Variants in DPF1 observed in about 807,000 individuals in gnomAD.
The protein encoded by DPF1 is zinc finger protein neuro-d4.
Under a neutral mutation model 58.7 loss-of-function variants are expected in DPF1, and 14 were observed. The observed-to-expected ratio is 0.24, with a 90% CI of 0.16 to 0.37. The LOEUF (loss-of-function observed/expected upper bound fraction) is 0.37, where lower values mean the gene tolerates loss of function less well. Among genes scored for constraint, DPF1 ranks in the 10% least tolerant of loss-of-function variants. The probability of loss-of-function intolerance (pLI) is 1.00; values close to 1 mark genes in which losing one functional copy is unlikely to be tolerated. For missense variants in DPF1, 345 were observed against 529.9 expected, an observed-to-expected ratio of 0.65 and a Z score of 3.43; for synonymous variants, 216 against 216.0, an observed-to-expected ratio of 1.00 and a Z score of 0.00.
At chr19:38,226,502 C>CCACACACA (rs758283337), upstream of DPF1, among the ~76,000 whole-genome samples, 7,331 of 112,250 alleles carry the variant, frequency 0.065, 334 homozygotes, top group African/African-American at 0.12. Context: ...ACGGTCACTT[C>CCACACACA]TACACACACA....
rs1385025958 is a variant in DPF1, at chr19:38,211,232, C to CA, written c.*830dup. ...AAACAACCACGCCCCCTCACTCCCC[C>CA]AAAATGGCCAGCGAGGGGGGCGGGG... On this transcript the variant is annotated 3_prime_UTR_variant, in exon 12 of 12. Coordinates refer to ENST00000355526, the MANE Select transcript of DPF1 (RefSeq NM_001135155.3). The surrounding 1 kb of genome is among the most constrained non-coding windows in gnomAD (Gnocchi z 4.0). 1.3e-5 allele frequency: 2 copies of CA among 152,254 alleles called. No individual in the cohort carries two copies. The highest frequency in any genetic ancestry group is 2.1e-4 in the South Asian group (1 of 4,828). The allele number at this position is 152,254 out of a possible 1,614,324, so 9.4% of individuals were successfully genotyped here. A position where few individuals can be genotyped will look rare whatever the true frequency, so the allele number is the denominator to read the frequency against.
At chr19:38,220,299 A>G (rs1281226812) in intron 3 of DPF1, among the ~76,000 whole-genome samples, 2 of 99,430 alleles carry the variant, frequency 2.0e-5, no homozygotes, top group Non-Finnish European at 4.5e-5. Context: ...AGAGAGAGAG[A>G]AAGAAAGAGA....
chr19:38,218,857 G>T (rs972588896), intron 4 of DPF1, 74 bp downstream of exon 4: 4 of 1,593,014 alleles, frequency 2.5e-6, no homozygotes, highest in African/African-American at 2.7e-5. Context: ...GAGCAGGAAC[G>T]TGAGGGCCCG....
At chr19:38,229,150 G>T (rs1967945111), upstream of DPF1, among the ~76,000 whole-genome samples, 1 of 152,116 alleles carries the variant, frequency 6.6e-6, no homozygotes, top group Non-Finnish European at 1.5e-5. This position sits in a 1 kb window ranked among gnomAD's most constrained non-coding sequence, Gnocchi z 5.3. Flanking sequence ...TGAGCGGAGA[G>T]CGGGTGATGG....
intron 7 of DPF1, 144 bp from the exon 8 acceptor site, chr19:38,216,547 G>T: frequency 1.0e-6 from 1 of 955,480 alleles, no homozygotes; most frequent in Non-Finnish European, 1.5e-6. Context: ...GTGGGGAGAG[G>T]TGAAAACAGT....
At chr19:38,216,307 C>T (rs1297707165) in intron 8 of DPF1, 46 bp downstream of exon 8, 6 of 1,609,330 alleles carry the variant, frequency 3.7e-6, no homozygotes, top group South Asian at 3.3e-5. Flanking sequence ...AAGGGCACCC[C>T]GCAAAGGTGG....
At chr19:38,225,444 G>A (rs976426478), upstream of DPF1, among the ~76,000 whole-genome samples, 3 of 151,936 alleles carry the variant, frequency 2.0e-5, no homozygotes, top group Non-Finnish European at 2.9e-5. Flanking sequence ...TGGCGCAGCA[G>A]TGTAGTCCCA....
chr19:38,222,370 G>C lies in DPF1; in HGVS notation c.285C>G (p.Cys95Trp). Reference sequence around the variant, plus strand: ...GGCTGCACCCACCGATCTTGTACTCGCAGGGCCTGAGTCTGGGGTCCTCCA... The same window carrying C: ...GGCTGCACCCACCGATCTTGTACTCCCAGGGCCTGAGTCTGGGGTCCTCCA... Reference protein sequence around the residue: ...NILEDPRLRPCEYKIDCEAPL... With the variant: ...NILEDPRLRPWEYKIDCEAPL... The change falls in exon 3 of 12, where the codon TGC becomes TGG. Residue 95 changes from cysteine to tryptophan, a missense_variant. Physicochemically the swap from Cys to Trp is radical, Grantham distance 215 (BLOSUM62 -2). Coordinates refer to ENST00000355526, the MANE Select transcript of DPF1 (RefSeq NM_001135155.3). This position sits in a 1 kb window ranked among gnomAD's most constrained non-coding sequence, Gnocchi z 4.9. The C allele has an allele frequency of 6.3e-7, 1 of 1,589,770 alleles. No homozygotes were observed. Among genetic ancestry groups the C allele is most frequent in the Non-Finnish European group, 8.5e-7 (1 of 1,173,602 alleles).
intron 1 of DPF1, chr19:38,223,912 C>T: frequency 1.7e-6 from 1 of 602,414 alleles, no homozygotes; most frequent in Non-Finnish European, 2.4e-6. Flanking sequence ...CCCCCCACGC[C>T]CTCCACCCCG....
Position 38,224,205 on chromosome 19 carries a change from G to T in DPF1, c.-63C>A. 2 of 1,341,000 alleles carry T rather than the reference G, an allele frequency of 1.5e-6. No individual in the cohort carries two copies. Among genetic ancestry groups the T allele is most frequent in the Non-Finnish European group, 1.9e-6 (2 of 1,045,024 alleles). 83.1% of individuals were successfully genotyped at this position (1,341,000 alleles called of 1,614,324 possible). On this transcript the variant is annotated 5_prime_UTR_variant, in exon 1 of 12. Coordinates refer to ENST00000355526, the MANE Select transcript of DPF1 (RefSeq NM_001135155.3). This position sits in a 1 kb window ranked among gnomAD's most constrained non-coding sequence, Gnocchi z 4.5. The stretch of plus-strand genomic sequence containing the variant: ...GGGTCGGTCCTCCCAGCGGTCGGGC[G>T]GGCGCTGAGGCCGCCCATCCATTCA...
chr19:38,212,159 C>T, intron 11 of DPF1, 26 bp from the exon 12 acceptor site: 1 of 1,603,246 alleles, frequency 6.2e-7, no homozygotes, highest in Non-Finnish European at 8.5e-7. Flanking sequence ...AAGCTGAAGT[C>T]AGGCCCGGGT....
At position 38,211,752 on chromosome 19, in the gene DPF1, C is replaced by G. The variant is rs1431189873; in HGVS notation, c.*311G>C. The G allele has an allele frequency of 4.8e-6, 2 of 420,976 alleles. No homozygotes were observed. Among genetic ancestry groups the G allele is most frequent in the African/African-American group, 4.1e-5 (2 of 48,584 alleles). The allele number at this position is 420,976 out of a possible 1,614,324, so 26.1% of individuals were successfully genotyped here. A position where few individuals can be genotyped will look rare whatever the true frequency, so the allele number is the denominator to read the frequency against. ...CTTTTTCTTTAGAAAAAGGCTCTGTCCATGCCCCTGGCTGGCACCCACCAC... is the reference window on the plus strand; with the variant it reads ...CTTTTTCTTTAGAAAAAGGCTCTGTGCATGCCCCTGGCTGGCACCCACCAC... On this transcript the variant is annotated 3_prime_UTR_variant, in exon 12 of 12. Transcript: ENST00000355526. The surrounding 1 kb of genome is among the most constrained non-coding windows in gnomAD (Gnocchi z 4.0).
upstream of DPF1, chr19:38,224,254 G>A (rs1967716364): frequency 1.6e-6 from 2 of 1,264,088 alleles, no homozygotes; most frequent in East Asian, 3.2e-5. The surrounding 1 kb of genome is among the most constrained non-coding windows in gnomAD (Gnocchi z 4.5). Flanking sequence ...GGAGCACGAG[G>A]GCCACGGCCA....
intron 5 of DPF1, 47 bp downstream of exon 5, chr19:38,218,526 A>G: frequency 1.9e-6 from 3 of 1,587,274 alleles, no homozygotes; most frequent in Non-Finnish European, 1.7e-6. Context: ...CATGAATGAG[A>G]CCTGTCATTG....
In DPF1 at chr19:38,218,550, AGAG is replaced by A; in HGVS notation, c.516+20_516+22del. ...GACCTGTCATTGAGGGGAGCGGGGA[AGAG>A]GAGAAGCTTGGGGTGATACCTTTCC... On this transcript the variant is annotated intron_variant, in intron 5 of 11. Transcript: ENST00000355526. The A allele has an allele frequency of 1.2e-6, 2 of 1,610,662 alleles. No homozygotes were observed. Among genetic ancestry groups the A allele is most frequent in the East Asian group, 2.2e-5 (1 of 44,854 alleles).
intron 7 of DPF1, 173 bp from the exon 8 acceptor site, chr19:38,216,576 C>G (rs903883858): frequency 1.2e-5 from 8 of 681,192 alleles, no homozygotes; most frequent in Non-Finnish European, 1.5e-5. Flanking sequence ...GGACTCCCAA[C>G]TCTGCCTTTT....
intron 5 of DPF1, among the ~76,000 whole-genome samples, chr19:38,218,191 C>A (rs1049552001): frequency 6.6e-6 from 1 of 151,914 alleles, no homozygotes; most frequent in Non-Finnish European, 1.5e-5. Context: ...CAGAGCGAGA[C>A]TCCGTCTCAA....
intron 10 of DPF1, 86 bp downstream of exon 10, chr19:38,213,558 A>C (rs1973618269): frequency 5.0e-6 from 6 of 1,188,712 alleles, no homozygotes; most frequent in Admixed American, 1.9e-5. Flanking sequence ...GGGAAGGCTC[A>C]GGCACAGGCT....
At chr19:38,217,710 G>T in intron 6 of DPF1, 88 bp downstream of exon 6, 2 of 1,588,740 alleles carry the variant, frequency 1.3e-6, no homozygotes, top group Non-Finnish European at 1.7e-6. Context: ...CTCCCAACCC[G>T]GGTCTGGAAC....
Sources: allele counts gnomAD v4.1 joint callset (sites outside exome capture counted in the v4.1 genomes callset), GRCh38; gene constraint gnomAD v4.1.1; non-coding constraint Gnocchi (gnomAD v3.1); transcripts MANE v1.5; gene names NCBI Gene and HGNC (gene_info 2026-07-23, HGNC 2026-07-21).